The following STRN3 variants were observed in gnomAD, a reference collection of about 807,000 sequenced individuals.
STRN3 encodes striatin 3.
A neutral mutation model predicts 95.6 loss-of-function variants in STRN3; 29 were observed. That is an observed-to-expected ratio of 0.30 (90% CI 0.23 to 0.41). The LOEUF is 0.41. STRN3 is among the 10% of genes least tolerant of loss of function. STRN3 has a pLI of 1.00. For synonymous variants in STRN3, 331 were observed against 357.6 expected, an observed-to-expected ratio of 0.93 and a Z score of 0.84; for missense variants, 890 against 972.1, an observed-to-expected ratio of 0.92 and a Z score of 1.12.
chr14:30,908,658 G>A lies in STRN3; in HGVS notation c.1721-1614C>T, dbSNP rs559999311. ...CTCAAAATTGTTTCTTCTTTAGTGT[G>A]CGCTTCCATGATTTCGCACCCTCTC... is the stretch of plus-strand genomic sequence containing the variant. On this transcript the variant is annotated intron_variant, in intron 13 of 17. Transcript: ENST00000357479. 2.0e-5 allele frequency among the ~76,000 whole-genome samples: 3 copies of A among 152,252 alleles called. No individual in the cohort carries two copies. In the East Asian group the frequency reaches 5.8e-4, roughly 29 times the overall value.
intron 7 of STRN3, among the ~76,000 whole-genome samples, chr14:30,931,624 G>C (rs1157755549): frequency 6.6e-6 from 1 of 152,144 alleles, no homozygotes; most frequent in Non-Finnish European, 1.5e-5. Context: ...AATCTCTACA[G>C]ATCAAAGATA....
chr14:31,001,850 C>T (rs1296890594), intron 1 of STRN3, among the ~76,000 whole-genome samples: 3 of 151,866 alleles, frequency 2.0e-5, no homozygotes, highest in Admixed American at 6.6e-5. Flanking sequence ...ACCAATATGG[C>T]AAAACCCCGT....
At chr14:30,941,931 T>C (rs1879113953) in intron 5 of STRN3, among the ~76,000 whole-genome samples, 1 of 152,182 alleles carries the variant, frequency 6.6e-6, no homozygotes, top group Non-Finnish European at 1.5e-5. Flanking sequence ...CAGCCTGTGC[T>C]TCTTAAATAA....
At chr14:30,909,203 T>A (rs1376793912) in intron 13 of STRN3, among the ~76,000 whole-genome samples, 1 of 152,234 alleles carries the variant, frequency 6.6e-6, no homozygotes, top group East Asian at 1.9e-4. Flanking sequence ...TTTAATTTTT[T>A]TTTAGAGATG....
chr14:30,973,360 G>A (rs76291613), intron 1 of STRN3, among the ~76,000 whole-genome samples: 3,136 of 150,980 alleles, frequency 0.021, 116 homozygotes, highest in African/African-American at 0.073. Flanking sequence ...GAAGGGGACA[G>A]AGAGGGAGAG....
At position 30,929,384 on chromosome 14, in the gene STRN3, T is replaced by C. The variant is rs899306546; in HGVS notation, c.989-73A>G. ...GCAAGCTGTTGGCAGTAAACTGTTA[T>C]AGCTTTACATAATCATAATAAAATG... On this transcript the variant is annotated intron_variant, in intron 7 of 17. Transcript: ENST00000357479. 16 of 1,088,490 alleles carry C rather than the reference T, an allele frequency of 1.5e-5. No individual in the cohort carries two copies. The Middle Eastern group carries it at 8.0e-4, about 54-fold the overall frequency. 67.4% of individuals were successfully genotyped at this position (1,088,490 alleles called of 1,614,324 possible).
At chr14:30,931,615 A>G (rs1878541325) in intron 7 of STRN3, among the ~76,000 whole-genome samples, 1 of 152,220 alleles carries the variant, frequency 6.6e-6, no homozygotes, top group East Asian at 1.9e-4. Context: ...AGTTCTATAA[A>G]TCTCTACAGA....
At chr14:30,992,565 TAAAAAAAA>T (rs58987293) in intron 1 of STRN3, among the ~76,000 whole-genome samples, 2 of 94,070 alleles carry the variant, frequency 2.1e-5, no homozygotes, top group African/African-American at 8.7e-5. Context: ...CCTGTCTCTT[TAAAAAAAA>T]AAAAAAAAAA....
intron 8 of STRN3, among the ~76,000 whole-genome samples, chr14:30,924,702 T>A (rs1263175013): frequency 6.6e-6 from 1 of 152,000 alleles, no homozygotes; most frequent in Non-Finnish European, 1.5e-5. Context: ...TTAAAAAATG[T>A]AAAAATTAGC....
In STRN3 at chr14:30,894,680, T is replaced by C; in HGVS notation, c.*731A>G. The stretch of plus-strand genomic sequence containing the variant: ...TCTTTATGGAAGGACTTAGCTGAGC[T>C]GTATTAGGCAAAAGAAGGAAAGAAA... On this transcript the variant is annotated 3_prime_UTR_variant, in exon 18 of 18. Transcript: ENST00000357479. The C allele has an allele frequency of 6.1e-6, 1 of 164,622 alleles. No homozygotes were observed. Among genetic ancestry groups the C allele is most frequent in the Non-Finnish European group, 1.3e-5 (1 of 76,176 alleles). The allele number at this position is 164,622 out of a possible 1,614,324, so 10.2% of individuals were successfully genotyped here. A position where few individuals can be genotyped will look rare whatever the true frequency, so the allele number is the denominator to read the frequency against.
chr14:30,935,133 C>T (rs1192307163), intron 7 of STRN3, 30 bp downstream of exon 7: 1 of 1,608,970 alleles, frequency 6.2e-7, no homozygotes, highest in Non-Finnish European at 8.5e-7. Flanking sequence ...GCTAGATTTC[C>T]TCCCACCCGG....
intron 1 of STRN3, among the ~76,000 whole-genome samples, chr14:30,963,224 A>G (rs1298832637): frequency 1.3e-5 from 2 of 152,176 alleles, no homozygotes; most frequent in African/African-American, 4.8e-5. Context: ...ACCCCACTCT[A>G]AATAATGGAT....
intron 1 of STRN3, among the ~76,000 whole-genome samples, chr14:30,986,311 G>T (rs915892077): frequency 6.6e-6 from 1 of 152,030 alleles, no homozygotes; most frequent in African/African-American, 2.4e-5. Flanking sequence ...AGAGAAATAC[G>T]TATTTTTATT....
intron 8 of STRN3, among the ~76,000 whole-genome samples, chr14:30,928,158 T>C (rs1349308225): frequency 1.3e-5 from 2 of 152,138 alleles, no homozygotes; most frequent in Non-Finnish European, 2.9e-5. Flanking sequence ...AAAGCTATCA[T>C]AAAGTTAGAA....
intron 1 of STRN3, among the ~76,000 whole-genome samples, chr14:30,977,365 A>G (rs1881157229): frequency 6.6e-6 from 1 of 152,210 alleles, no homozygotes; most frequent in South Asian, 2.1e-4. Flanking sequence ...ATTACCATAG[A>G]AAAATCAATA....
intron 5 of STRN3, among the ~76,000 whole-genome samples, chr14:30,942,800 A>T (rs554228799): frequency 9.2e-5 from 14 of 152,366 alleles, no homozygotes; most frequent in African/African-American, 2.9e-4. Flanking sequence ...TCACATTTCA[A>T]CTAGATACAC....
intron 5 of STRN3, among the ~76,000 whole-genome samples, chr14:30,937,238 C>G (rs75278710): frequency 0.056 from 8,584 of 152,038 alleles, 442 homozygotes; most frequent in East Asian, 0.21. Context: ...TATTTGAACC[C>G]AGGAGGTTGA....
Position 30,947,352 on chromosome 14 carries a change from C to A in STRN3, c.543-89G>T, listed in dbSNP as rs1594478709. 6.9e-6 allele frequency: 7 copies of A among 1,015,310 alleles called. No individual in the cohort carries two copies. In the Middle Eastern group the frequency reaches 1.2e-3, roughly 178 times the overall value. The allele number at this position is 1,015,310 out of a possible 1,614,324, so 62.9% of individuals were successfully genotyped here. Reference sequence around the variant, plus strand: ...TCAAATTTTAGAAAAACCCATAATCCTATAAAATATGCTCTCCCTTTGTCT... The same window carrying A: ...TCAAATTTTAGAAAAACCCATAATCATATAAAATATGCTCTCCCTTTGTCT... On this transcript the variant is annotated intron_variant, in intron 4 of 17. Transcript: ENST00000357479.
chr14:31,024,971 G>T (rs1171461850), intron 1 of STRN3: 2 of 152,200 alleles, frequency 1.3e-5, no homozygotes. Flanking sequence ...GCTTCCAAAT[G>T]TGCAGCCTAT....
Sources: allele counts gnomAD v4.1 joint callset (sites outside exome capture counted in the v4.1 genomes callset), GRCh38; gene constraint gnomAD v4.1.1; transcripts MANE v1.5; gene names NCBI Gene and HGNC (gene_info 2026-07-23, HGNC 2026-07-21).